C20orf203: variants seen among roughly 807,000 people sequenced by gnomAD.
The protein encoded by C20orf203 is uncharacterized protein C20orf203.
A neutral mutation model predicts 15.9 loss-of-function variants in C20orf203; 16 were observed. The ratio of observed to expected loss-of-function variants is 1.01; its 90% CI spans 0.68 to 1.53. The LOEUF is 1.53. Among genes scored for constraint, C20orf203 ranks in the 40% most tolerant of loss-of-function variants. The pLI, the probability that C20orf203 is intolerant of heterozygous loss-of-function variation, is 0.00. For missense variants in C20orf203, 263 were observed against 247.5 expected, an observed-to-expected ratio of 1.06 and a Z score of -0.42; for synonymous variants, 98 against 97.2, an observed-to-expected ratio of 1.01 and a Z score of -0.05.
At chr20:32,657,335 C>G (rs1239093832) in intron 1 of C20orf203, 1 of 151,630 alleles carries the variant, frequency 6.6e-6, no homozygotes. Context: ...ACTAAAAATA[C>G]AAAAATTAGC....
chr20:32,672,573 C>CAA (rs11481370), intron 1 of C20orf203, among the ~76,000 whole-genome samples: 123 of 143,988 alleles, frequency 8.5e-4, no homozygotes, highest in South Asian at 3.3e-3. Context: ...ACAATATCTC[C>CAA]AAAAAAAAAA....
intron 1 of C20orf203, among the ~76,000 whole-genome samples, chr20:32,661,281 C>T (rs574079981): frequency 6.6e-6 from 1 of 152,302 alleles, no homozygotes; most frequent in Non-Finnish European, 1.5e-5. Flanking sequence ...GAACCAGGCT[C>T]ATCTCTGTTC....
intron 5 of C20orf203, among the ~76,000 whole-genome samples, chr20:32,637,529 G>A (rs756178390): frequency 3.3e-5 from 5 of 152,178 alleles, no homozygotes; most frequent in Non-Finnish European, 5.9e-5. Flanking sequence ...TTCCCTGACT[G>A]CCATCTCAGA....
At position 32,646,695 on chromosome 20, in the gene C20orf203, T is replaced by C. The variant is rs59344219; in HGVS notation, c.*1177+2560A>G. ...TGGGGAAAGGGTGGGAGCCCTAACTTGTCCCTATAGGTTGTCTGCCACCTT... is the reference window on the plus strand; with the variant it reads ...TGGGGAAAGGGTGGGAGCCCTAACTCGTCCCTATAGGTTGTCTGCCACCTT... On this transcript the variant is annotated intron_variant, in intron 4 of 5. Coordinates refer to ENST00000608990, the MANE Select transcript of C20orf203 (RefSeq NM_182584.4). 9.7e-3 allele frequency among the ~76,000 whole-genome samples: 1,480 copies of C among 152,284 alleles called. 28 individuals are homozygous for C. Among genetic ancestry groups the C allele is most frequent in the African/African-American group, 0.034 (1,418 of 41,558 alleles).
chr20:32,635,534 G>A (rs1982114713), intron 5 of C20orf203, among the ~76,000 whole-genome samples: 1 of 151,864 alleles, frequency 6.6e-6, no homozygotes, highest in Non-Finnish European at 1.5e-5. Context: ...TCATTTCCTC[G>A]GCTGGGCACC....
intron 1 of C20orf203, among the ~76,000 whole-genome samples, chr20:32,666,797 TTATATATATATATATA>T (rs34933326): frequency 0.023 from 1,478 of 65,626 alleles, 100 homozygotes; most frequent in African/African-American, 0.053. Context: ...TAATTTTAAT[TTATATATATATATATA>T]TATATATATA....
chr20:32,660,500 GC>G (rs1165994645), intron 1 of C20orf203, among the ~76,000 whole-genome samples: 1 of 152,200 alleles, frequency 6.6e-6, no homozygotes, highest in Non-Finnish European at 1.5e-5. Context: ...CTCCCTGAGT[GC>G]CCATGACCTG....
intron 1 of C20orf203, among the ~76,000 whole-genome samples, chr20:32,663,139 G>A (rs1196766365): frequency 3.3e-5 from 5 of 151,600 alleles, no homozygotes; most frequent in Non-Finnish European, 5.9e-5. Flanking sequence ...TAGTAGAGAC[G>A]GGGTTTCACC....
chr20:32,645,796 G>C (rs1443071499), intron 4 of C20orf203, among the ~76,000 whole-genome samples: 1 of 152,240 alleles, frequency 6.6e-6, no homozygotes, highest in Non-Finnish European at 1.5e-5. Context: ...AGGCCACACA[G>C]TGAGGCAGCA....
chr20:32,650,233 A>T lies in C20orf203; in HGVS notation c.*199T>A. ...CCAGCCTGGCACAGCCTCGGTCCCT[A>T]ATCATGTTTGCTGAATGCCTTGAAT... On this transcript the variant is annotated 3_prime_UTR_variant, in exon 4 of 6. Coordinates refer to ENST00000608990, the MANE Select transcript of C20orf203 (RefSeq NM_182584.4). 1 of 581,934 alleles carries T rather than the reference A, an allele frequency of 1.7e-6. No individual in the cohort carries two copies. The highest frequency in any genetic ancestry group is 3.1e-6 in the Non-Finnish European group (1 of 326,432). The allele number at this position is 581,934 out of a possible 1,614,324, so 36.0% of individuals were successfully genotyped here. A position where few individuals can be genotyped will look rare whatever the true frequency, so the allele number is the denominator to read the frequency against.
At chr20:32,671,155 T>C (rs1329038303) in intron 1 of C20orf203, among the ~76,000 whole-genome samples, 2 of 152,190 alleles carry the variant, frequency 1.3e-5, no homozygotes, top group Non-Finnish European at 2.9e-5. Context: ...AGAACTACCA[T>C]ATGATCCAGG....
chr20:32,664,081 C>A (rs533048033), intron 1 of C20orf203, among the ~76,000 whole-genome samples: 2 of 152,320 alleles, frequency 1.3e-5, no homozygotes, highest in Non-Finnish European at 2.9e-5. Flanking sequence ...CCCACTGTGG[C>A]CCCGCAGGCT....
chr20:32,654,701 G>A (rs1254054073), intron 1 of C20orf203, among the ~76,000 whole-genome samples: 1 of 152,054 alleles, frequency 6.6e-6, no homozygotes, highest in Non-Finnish European at 1.5e-5. Context: ...AAATTTAGCT[G>A]GGTGTGGTGG....
At chr20:32,653,667 C>G (rs1452659473) in intron 1 of C20orf203, among the ~76,000 whole-genome samples, 1 of 152,180 alleles carries the variant, frequency 6.6e-6, no homozygotes, top group Admixed American at 6.5e-5. Context: ...AGGATGTCCA[C>G]TCTTACGGCA....
Position 32,650,745 on chromosome 20 carries a change from C to A in C20orf203, c.272G>T (p.Gly91Val). Residue 91 changes from glycine (G) to valine (V), a missense_variant, in exon 4 of 6, where the codon GGC becomes GTC. By Grantham distance (109) the Gly-to-Val change is moderately radical. Coordinates refer to ENST00000608990, the MANE Select transcript of C20orf203 (RefSeq NM_182584.4). ...AACCCAAATCCTTTCCTGATAAGGG[C>A]CTGGGTGTTGCGGAGGAGGAGGCTG... ...QRQPPPPQHPGPYQERIWVGG... is the reference protein window; with the variant it reads ...QRQPPPPQHPVPYQERIWVGG... 6.5e-7 allele frequency: 1 copy of A among 1,535,198 alleles called. No homozygotes were observed. Among genetic ancestry groups the A allele is most frequent in the African/African-American group, 1.4e-5 (1 of 72,830 alleles).
At chr20:32,654,160 G>T (rs1385640712) in intron 1 of C20orf203, among the ~76,000 whole-genome samples, 2 of 151,648 alleles carry the variant, frequency 1.3e-5, no homozygotes, top group African/African-American at 2.4e-5. Context: ...AAAGTTGCAG[G>T]ATACAAGATC....
At chr20:32,667,802 C>G (rs1164613020) in intron 1 of C20orf203, among the ~76,000 whole-genome samples, 1 of 152,152 alleles carries the variant, frequency 6.6e-6, no homozygotes, top group African/African-American at 2.4e-5. Flanking sequence ...TCTTGAGTAG[C>G]CGGGACTACA....
Position 32,673,674 on chromosome 20 carries a change from C to A in C20orf203, c.-306G>T. 1 of 152,660 alleles carries A rather than the reference C, an allele frequency of 6.6e-6. No homozygotes were observed. The highest frequency in any genetic ancestry group is 1.5e-5 in the Non-Finnish European group (1 of 68,192). 9.5% of individuals were successfully genotyped at this position (152,660 alleles called of 1,614,324 possible). A position where few individuals can be genotyped will look rare whatever the true frequency, so the allele number is the denominator to read the frequency against. ...CGGCATTCATCTGTGCCACCTGCCC[C>A]GGCCATTTGGCTCCGACTGCAATGA... is the stretch of plus-strand genomic sequence containing the variant. On this transcript the variant is annotated 5_prime_UTR_variant, in exon 1 of 6. Coordinates refer to ENST00000608990, the MANE Select transcript of C20orf203 (RefSeq NM_182584.4).
At chr20:32,646,404 C>T (rs1266256553) in intron 4 of C20orf203, among the ~76,000 whole-genome samples, 1 of 152,090 alleles carries the variant, frequency 6.6e-6, no homozygotes, top group Non-Finnish European at 1.5e-5. Flanking sequence ...TGGGGTTTCA[C>T]CATGTTGCCC....
Sources: gnomAD v4.1 joint callset for allele counts (sites outside exome capture counted in the v4.1 genomes callset) on GRCh38, gnomAD v4.1.1 for gene constraint, MANE v1.5 for transcripts, NCBI Gene and HGNC (gene_info 2026-07-23, HGNC 2026-07-21) for gene names.